BMPR1B: variants seen among roughly 807,000 people sequenced by gnomAD.
BMPR1B encodes the protein bone morphogenetic protein receptor type-1B.
Under a neutral mutation model 59.1 loss-of-function variants are expected in BMPR1B, and 12 were observed. The ratio of observed to expected loss-of-function variants is 0.20; its 90% confidence interval spans 0.13 to 0.33. The LOEUF (loss-of-function observed/expected upper bound fraction) is 0.33. BMPR1B is among the 10% of genes least tolerant of loss of function. BMPR1B has a pLI of 1.00. For missense variants in BMPR1B, 550 were observed against 610.9 expected, an observed-to-expected ratio of 0.90 and a Z score of 1.05; for synonymous variants, 237 against 207.3, an observed-to-expected ratio of 1.14 and a Z score of -1.23.
chr4:94,817,333 T>C (rs1724048364), intron 1 of BMPR1B, among the ~76,000 whole-genome samples: 1 of 152,246 alleles, frequency 6.6e-6, no homozygotes, highest in Non-Finnish European at 1.5e-5. Context: ...GCAGTTTAAT[T>C]CTGAGAAGAA....
At chr4:94,811,692 C>T (rs190652234) in intron 1 of BMPR1B, among the ~76,000 whole-genome samples, 1 of 152,046 alleles carries the variant, frequency 6.6e-6, no homozygotes, top group South Asian at 2.1e-4. Context: ...GCTTCGATAC[C>T]TTGGTCATGA....
In BMPR1B at chr4:95,156,222, CT is replaced by C. The variant is rs1735410613; in HGVS notation, c.*1552del. ...TTAAAGTTGTACACATCCTGCTCAA[CT>C]TTATTCATATACATTTCCTTTCTGT... is the stretch of plus-strand genomic sequence containing the variant. On this transcript the variant is annotated 3_prime_UTR_variant, in exon 13 of 13. Transcript: ENST00000515059. The C allele has an allele frequency of 1.3e-5, 2 of 151,840 alleles. No homozygotes were observed. The highest frequency in any genetic ancestry group is 4.2e-4 in the South Asian group (2 of 4,812). The allele number at this position is 151,840 out of a possible 1,614,324, so 9.4% of individuals were successfully genotyped here.
intron 2 of BMPR1B, among the ~76,000 whole-genome samples, chr4:94,920,454 C>T (rs1263092383): frequency 6.6e-6 from 1 of 152,142 alleles, no homozygotes; most frequent in Non-Finnish European, 1.5e-5. Flanking sequence ...GGGCTCCCCA[C>T]ACGTCAAATT....
At chr4:94,921,029 T>C (rs576880907) in intron 2 of BMPR1B, among the ~76,000 whole-genome samples, 23 of 152,292 alleles carry the variant, frequency 1.5e-4, no homozygotes, top group African/African-American at 5.3e-4. Flanking sequence ...TTAAATTGCA[T>C]GTACCCACAC....
chr4:95,137,802 CTG>C (rs1304060114), intron 10 of BMPR1B, among the ~76,000 whole-genome samples: 1 of 152,142 alleles, frequency 6.6e-6, no homozygotes, highest in African/African-American at 2.4e-5. Context: ...ATGTGTGTCT[CTG>C]CACATGAGAT....
chr4:94,771,362 T>C (rs1373870686), intron 1 of BMPR1B, among the ~76,000 whole-genome samples: 1 of 152,182 alleles, frequency 6.6e-6, no homozygotes, highest in Non-Finnish European at 1.5e-5. Flanking sequence ...CCAGATATTA[T>C]ACTGGTTATT....
At chr4:95,036,225 A>G (rs934815357) in intron 3 of BMPR1B, among the ~76,000 whole-genome samples, 1 of 152,110 alleles carries the variant, frequency 6.6e-6, no homozygotes, top group Non-Finnish European at 1.5e-5. Context: ...ATTTATCCTT[A>G]GTTTTACTCT....
chr4:95,044,023 TAAAAG>T (rs1725860470), intron 3 of BMPR1B, among the ~76,000 whole-genome samples: 1 of 152,210 alleles, frequency 6.6e-6, no homozygotes, highest in Non-Finnish European at 1.5e-5. Context: ...ATGATTGTTA[TAAAAG>T]AAAATTTATA....
intron 2 of BMPR1B, among the ~76,000 whole-genome samples, chr4:94,915,907 G>A (rs1254400946): frequency 1.3e-5 from 2 of 152,142 alleles, no homozygotes; most frequent in East Asian, 3.9e-4. Context: ...CTTCACAATA[G>A]TGAGTGCTCG....
At chr4:94,879,974 A>C (rs1726894188) in intron 2 of BMPR1B, among the ~76,000 whole-genome samples, 1 of 152,184 alleles carries the variant, frequency 6.6e-6, no homozygotes, top group African/African-American at 2.4e-5. Flanking sequence ...TATTTGTGGT[A>C]TTCATCCGGT....
At chr4:95,003,801 CTTTT>C (rs5860385) in intron 3 of BMPR1B, among the ~76,000 whole-genome samples, 1 of 84,560 alleles carries the variant, frequency 1.2e-5, no homozygotes, top group African/African-American at 4.8e-5. Flanking sequence ...CAAAGTCCAT[CTTTT>C]TTTTTTTTTT....
chr4:95,088,020 TATAAA>T (rs1729717460), intron 3 of BMPR1B, among the ~76,000 whole-genome samples: 1 of 152,194 alleles, frequency 6.6e-6, no homozygotes, highest in South Asian at 2.1e-4. Context: ...ATAATTATAT[TATAAA>T]ATAAAATGTT....
chr4:94,970,204 A>G (rs1560572954), intron 2 of BMPR1B, among the ~76,000 whole-genome samples: 1 of 151,974 alleles, frequency 6.6e-6, no homozygotes, highest in Non-Finnish European at 1.5e-5. Context: ...TCTGTAGTTA[A>G]GCCAATTTCA....
At chr4:94,834,789 C>T (rs1311773998) in intron 1 of BMPR1B, among the ~76,000 whole-genome samples, 1 of 152,094 alleles carries the variant, frequency 6.6e-6, no homozygotes, top group Admixed American at 6.5e-5. Context: ...CCATATCTTA[C>T]TCTGAAATGG....
chr4:94,933,612 T>C (rs1431900485), intron 2 of BMPR1B, among the ~76,000 whole-genome samples: 1 of 152,120 alleles, frequency 6.6e-6, no homozygotes, highest in Non-Finnish European at 1.5e-5. Flanking sequence ...TGGCCTGGTG[T>C]TTAACATCAC....
intron 2 of BMPR1B, among the ~76,000 whole-genome samples, chr4:94,973,924 A>G (rs1323309219): frequency 1.3e-5 from 2 of 152,200 alleles, no homozygotes; most frequent in Admixed American, 1.3e-4. Flanking sequence ...TACAAAATAA[A>G]TTACTAAGAA....
chr4:95,130,985 C>G (rs959398006), intron 9 of BMPR1B, among the ~76,000 whole-genome samples: 19 of 151,920 alleles, frequency 1.3e-4, no homozygotes, highest in African/African-American at 4.4e-4. Context: ...CCGCCATGGC[C>G]TCCCGATGTG....
At chr4:95,061,283 G>A (rs1220039640) in intron 3 of BMPR1B, among the ~76,000 whole-genome samples, 1 of 151,632 alleles carries the variant, frequency 6.6e-6, no homozygotes, top group Admixed American at 6.6e-5. Flanking sequence ...TAAGAGAAGA[G>A]GCATTCCAAA....
intron 1 of BMPR1B, among the ~76,000 whole-genome samples, chr4:94,776,030 G>C (rs979485286): frequency 6.6e-6 from 1 of 151,724 alleles, no homozygotes; most frequent in Admixed American, 6.6e-5. Flanking sequence ...GGTGGGGCTT[G>C]CGGTGAGCTG....
Sources: allele counts gnomAD v4.1 joint callset (sites outside exome capture counted in the v4.1 genomes callset), GRCh38; gene constraint gnomAD v4.1.1; transcripts MANE v1.5; gene names NCBI Gene and HGNC (gene_info 2026-07-23, HGNC 2026-07-21).